The following RABGAP1L variants were observed in gnomAD, a reference collection of about 807,000 sequenced individuals.
RABGAP1L encodes rab GTPase-activating protein 1-like.
Under a neutral mutation model 137.7 loss-of-function variants are expected in RABGAP1L, and 63 were observed. The ratio of observed to expected loss-of-function variants is 0.46; its 90% CI spans 0.37 to 0.56. RABGAP1L has a LOEUF of 0.56. RABGAP1L is among the 20% of genes least tolerant of loss of function. The pLI is 0.00. For missense variants in RABGAP1L, 1,095 were observed against 1,244.0 expected, an observed-to-expected ratio of 0.88 and a Z score of 1.80; for synonymous variants, 431 against 433.7, an observed-to-expected ratio of 0.99 and a Z score of 0.08.
At chr1:174,579,842 A>G (rs192325596) in intron 13 of RABGAP1L, among the ~76,000 whole-genome samples, 2 of 152,294 alleles carry the variant, frequency 1.3e-5, no homozygotes, top group Admixed American at 6.5e-5. Flanking sequence ...GCTCACTGCA[A>G]TCTCTGCCTC....
At chr1:174,907,570 C>G (rs753580351) in intron 19 of RABGAP1L, among the ~76,000 whole-genome samples, 1 of 152,110 alleles carries the variant, frequency 6.6e-6, no homozygotes, top group Non-Finnish European at 1.5e-5. Context: ...CCACCTCGGC[C>G]TCCCAAAGTG....
chr1:174,955,662 G>C (rs1223145458), intron 19 of RABGAP1L, among the ~76,000 whole-genome samples: 1 of 152,202 alleles, frequency 6.6e-6, no homozygotes, highest in African/African-American at 2.4e-5. Flanking sequence ...AATACTGCTA[G>C]GTATTATGGC....
chr1:174,856,708 C>T (rs376702754), intron 19 of RABGAP1L, among the ~76,000 whole-genome samples: 151 of 152,140 alleles, frequency 9.9e-4, no homozygotes, highest in African/African-American at 3.3e-3. Flanking sequence ...GGGCAGATCA[C>T]CTGAGGACAG....
intron 13 of RABGAP1L, among the ~76,000 whole-genome samples, chr1:174,406,001 AAAAG>A (rs1432202492): frequency 6.6e-6 from 1 of 152,106 alleles, no homozygotes; most frequent in African/African-American, 2.4e-5. Flanking sequence ...AAAAAAAGAA[AAAAG>A]AAAGAGAAAC....
At chr1:174,435,918 T>C (rs2149211960) in intron 13 of RABGAP1L, among the ~76,000 whole-genome samples, 1 of 152,064 alleles carries the variant, frequency 6.6e-6, no homozygotes, top group Admixed American at 6.5e-5. Flanking sequence ...TGATTTTTTG[T>C]CCTTGCTACA....
At chr1:174,916,076 G>GTTT (rs372029582) in intron 19 of RABGAP1L, among the ~76,000 whole-genome samples, 5 of 113,590 alleles carry the variant, frequency 4.4e-5, no homozygotes, top group Non-Finnish European at 7.5e-5. Flanking sequence ...TTTTTCTTTA[G>GTTT]TTTTTTTTTT....
intron 11 of RABGAP1L, among the ~76,000 whole-genome samples, chr1:174,350,480 A>G (rs1346120187): frequency 2.9e-5 from 3 of 102,324 alleles, no homozygotes; most frequent in African/African-American, 7.9e-5. Context: ...CGCTCCCCAC[A>G]TCTCAGACGA....
chr1:174,879,849 C>T (rs879856832), intron 19 of RABGAP1L, among the ~76,000 whole-genome samples: 17 of 152,184 alleles, frequency 1.1e-4, no homozygotes, highest in Admixed American at 9.2e-4. Flanking sequence ...CCCAGCACTT[C>T]GGGAGGCTGA....
At chr1:174,857,923 A>G (rs1433444896) in intron 19 of RABGAP1L, among the ~76,000 whole-genome samples, 3 of 152,236 alleles carry the variant, frequency 2.0e-5, no homozygotes, top group Non-Finnish European at 4.4e-5. Context: ...CTGAAATTAT[A>G]AAAAATATTT....
At chr1:174,988,937 T>C in intron 25 of RABGAP1L, 99 bp downstream of exon 25, 1 of 1,090,496 alleles carries the variant, frequency 9.2e-7, no homozygotes, top group Admixed American at 3.6e-5. Context: ...CAGAATTGTA[T>C]GATGAATACA....
intron 14 of RABGAP1L, among the ~76,000 whole-genome samples, chr1:174,651,919 T>A (rs1273945580): frequency 6.6e-6 from 1 of 152,198 alleles, no homozygotes; most frequent in Admixed American, 6.5e-5. Flanking sequence ...TGATGCAGTT[T>A]TTTCCTAGAC....
intron 13 of RABGAP1L, among the ~76,000 whole-genome samples, chr1:174,565,781 G>A (rs186438416): frequency 8.8e-4 from 133 of 151,728 alleles, no homozygotes; most frequent in Non-Finnish European, 1.3e-3. Flanking sequence ...GTATAACATT[G>A]TATTAATAAT....
chr1:174,369,468 G>A (rs1684919858), intron 11 of RABGAP1L, among the ~76,000 whole-genome samples: 1 of 152,212 alleles, frequency 6.6e-6, no homozygotes, highest in East Asian at 1.9e-4. Context: ...ACAGGCCTGA[G>A]CCACTGCACT....
At chr1:174,793,537 AAAT>A (rs2148803755) in intron 18 of RABGAP1L, among the ~76,000 whole-genome samples, 1 of 152,362 alleles carries the variant, frequency 6.6e-6, no homozygotes, top group East Asian at 1.9e-4. Context: ...TCCAACTATA[AAAT>A]AATGAGACTC....
At chr1:174,776,624 T>C (rs928971746) in intron 18 of RABGAP1L, among the ~76,000 whole-genome samples, 2 of 152,216 alleles carry the variant, frequency 1.3e-5, no homozygotes, top group Non-Finnish European at 2.9e-5. Flanking sequence ...GGTCTAAAGA[T>C]TTCTTCTAGA....
At chr1:174,564,185 C>T (rs567055662) in intron 13 of RABGAP1L, among the ~76,000 whole-genome samples, 3 of 152,142 alleles carry the variant, frequency 2.0e-5, no homozygotes, top group Non-Finnish European at 4.4e-5. Context: ...CATATCATAT[C>T]TAACAGTTAT....
chr1:174,796,152 G>T (rs1483269664), intron 18 of RABGAP1L, among the ~76,000 whole-genome samples: 1 of 152,002 alleles, frequency 6.6e-6, no homozygotes, highest in Non-Finnish European at 1.5e-5. Context: ...CCATTTTATG[G>T]ACTACTTTAT....
At chr1:174,867,696 AC>A (rs1651521394) in intron 19 of RABGAP1L, among the ~76,000 whole-genome samples, 1 of 152,106 alleles carries the variant, frequency 6.6e-6, no homozygotes, top group Non-Finnish European at 1.5e-5. Flanking sequence ...CCCAGGCTGG[AC>A]TGCAGTGACG....
intron 13 of RABGAP1L, among the ~76,000 whole-genome samples, chr1:174,589,675 ATG>A (rs1669402586): frequency 6.6e-6 from 1 of 152,168 alleles, no homozygotes; most frequent in African/African-American, 2.4e-5. Context: ...TCTTCTGCAT[ATG>A]GATTATTCAG....
Sources: gnomAD v4.1 joint callset for allele counts (sites outside exome capture counted in the v4.1 genomes callset) on GRCh38, gnomAD v4.1.1 for gene constraint, MANE v1.5 for transcripts, NCBI Gene and HGNC (gene_info 2026-07-23, HGNC 2026-07-21) for gene names.